Variants in LRP1B observed in about 807,000 individuals in gnomAD.
LRP1B encodes LDL receptor related protein 1B.
LRP1B carries 217 observed loss-of-function variants against 556.6 expected under a neutral mutation model. The ratio of observed to expected loss-of-function variants is 0.39; its 90% confidence interval spans 0.35 to 0.44. The LOEUF is 0.44. Among genes scored for constraint, LRP1B ranks in the 20% least tolerant of loss-of-function variants. The pLI is 1.00. For synonymous variants in LRP1B, 2,047 were observed against 1,865.8 expected (o/e 1.10, Z -2.50); for missense variants, 5,053 against 5,620.8 (o/e 0.90, Z 3.23).
intron 2 of LRP1B, among the ~76,000 whole-genome samples, chr2:141,577,380 T>G (rs758683926): frequency 5.3e-5 from 8 of 152,218 alleles, no homozygotes; most frequent in Admixed American, 2.0e-4. Context: ...AATTCACTAC[T>G]CTTCTTCGTT....
intron 2 of LRP1B, among the ~76,000 whole-genome samples, chr2:141,550,724 A>G (rs1311481923): frequency 6.6e-6 from 1 of 152,124 alleles, no homozygotes; most frequent in East Asian, 1.9e-4. Flanking sequence ...CTTAAAAAGA[A>G]GCAAATTTAA....
intron 32 of LRP1B, among the ~76,000 whole-genome samples, chr2:140,805,999 G>T (rs1573743251): frequency 6.6e-6 from 1 of 152,182 alleles, no homozygotes; most frequent in East Asian, 1.9e-4. Context: ...AGGTAATTTG[G>T]TCATGAGGGT....
chr2:140,477,742 C>A (rs1688033489), intron 59 of LRP1B, among the ~76,000 whole-genome samples: 1 of 152,110 alleles, frequency 6.6e-6, no homozygotes. Flanking sequence ...AGAGAAAAAG[C>A]ATATTATTTT....
intron 2 of LRP1B, among the ~76,000 whole-genome samples, chr2:141,589,032 G>A (rs1687235869): frequency 6.6e-6 from 1 of 152,096 alleles, no homozygotes; most frequent in Non-Finnish European, 1.5e-5. Context: ...GGATGATTTT[G>A]AAACTGGGTA....
intron 3 of LRP1B, among the ~76,000 whole-genome samples, chr2:141,316,772 C>T (rs1472415912): frequency 2.6e-5 from 4 of 152,212 alleles, no homozygotes; most frequent in African/African-American, 9.6e-5. Context: ...TGTGGCTTTC[C>T]CGCCATGGGG....
At chr2:140,709,504 AGAGGAG>A (rs755224893) in intron 37 of LRP1B, among the ~76,000 whole-genome samples, 7 of 151,656 alleles carry the variant, frequency 4.6e-5, no homozygotes, top group African/African-American at 1.7e-4. Context: ...AGGAGGAACA[AGAGGAG>A]GAGGAGGAGT....
chr2:141,844,825 T>C (rs1316045161), intron 1 of LRP1B, among the ~76,000 whole-genome samples: 2 of 151,764 alleles, frequency 1.3e-5, no homozygotes, highest in Non-Finnish European at 2.9e-5. Context: ...ATTTTCTTAT[T>C]AGACAATTTC....
At chr2:140,275,925 C>T (rs1469770258) in intron 84 of LRP1B, among the ~76,000 whole-genome samples, 7 of 151,908 alleles carry the variant, frequency 4.6e-5, no homozygotes, top group Admixed American at 3.9e-4. Flanking sequence ...TAGAATTAGA[C>T]ATTCTGCTTC....
intron 7 of LRP1B, among the ~76,000 whole-genome samples, chr2:141,094,081 T>A (rs762986042): frequency 5.9e-5 from 9 of 152,106 alleles, no homozygotes; most frequent in Non-Finnish European, 1.5e-5. Flanking sequence ...ATACAGATAG[T>A]AAGAATTGAA....
At chr2:141,511,712 G>T (rs1041680247) in intron 2 of LRP1B, among the ~76,000 whole-genome samples, 1 of 152,098 alleles carries the variant, frequency 6.6e-6, no homozygotes, top group Non-Finnish European at 1.5e-5. Flanking sequence ...CTCCACTGTG[G>T]CCTAACAATA....
chr2:141,151,559 A>C (rs1701925660), intron 7 of LRP1B, among the ~76,000 whole-genome samples: 1 of 151,926 alleles, frequency 6.6e-6, no homozygotes, highest in Admixed American at 6.6e-5. Context: ...TGCTTATTTT[A>C]TTTTCTTTAC....
chr2:140,898,991 G>A, intron 23 of LRP1B: 1 of 368,876 alleles, frequency 2.7e-6, no homozygotes, highest in Non-Finnish European at 5.3e-6. Context: ...CTTGAGCTCA[G>A]CATGCTTTCA....
At chr2:141,010,088 T>A (rs889551853) in intron 14 of LRP1B, among the ~76,000 whole-genome samples, 1 of 152,060 alleles carries the variant, frequency 6.6e-6, no homozygotes, top group African/African-American at 2.4e-5. Flanking sequence ...TTTTAACAAT[T>A]ACAGCTAGTT....
chr2:140,770,818 G>A (rs2104938454), intron 34 of LRP1B, 63 bp downstream of exon 34: 1 of 1,396,374 alleles, frequency 7.2e-7, no homozygotes, highest in Non-Finnish European at 9.5e-7. Flanking sequence ...CCTAACATCT[G>A]CATGGTATGT....
intron 22 of LRP1B, 126 bp downstream of exon 22, chr2:140,907,751 C>A: frequency 1.2e-6 from 1 of 832,820 alleles, no homozygotes; most frequent in Non-Finnish European, 2.0e-6. Flanking sequence ...AGACAAGGTT[C>A]AATGCTAAAA....
chr2:140,259,352 C>T (rs17476635), intron 86 of LRP1B, among the ~76,000 whole-genome samples: 9 of 152,052 alleles, frequency 5.9e-5, no homozygotes, highest in East Asian at 5.8e-4. Context: ...TAAGTTAAGA[C>T]GGTGTATTAA....
chr2:140,732,698 G>GA (rs35681080), intron 35 of LRP1B, among the ~76,000 whole-genome samples: 335 of 146,202 alleles, frequency 2.3e-3, no homozygotes, highest in South Asian at 8.4e-3. Flanking sequence ...GGATGAAATG[G>GA]AAAAAAAAAA....
chr2:140,334,560 C>T lies in LRP1B; in HGVS notation c.12117-1G>A. On this transcript the variant is annotated splice_acceptor_variant, in intron 78 of 90. Transcript: ENST00000389484. LOFTEE classifies it high-confidence loss of function. ...CCCAACAACAGTCCAGTACATCATC[C>T]TGAAGAGAGCGGGTCAGAGAGGTTA... The T allele has an allele frequency of 6.5e-7, 1 of 1,549,678 alleles. No homozygotes were observed. The highest frequency in any genetic ancestry group is 8.7e-7 in the Non-Finnish European group (1 of 1,145,718).
intron 7 of LRP1B, among the ~76,000 whole-genome samples, chr2:141,161,907 A>C (rs1680050584): frequency 6.6e-6 from 1 of 152,054 alleles, no homozygotes; most frequent in East Asian, 1.9e-4. Context: ...TCTTGCTGGG[A>C]GCTGTATGCT....
Sources: gnomAD v4.1 joint callset for allele counts (sites outside exome capture counted in the v4.1 genomes callset) on GRCh38, gnomAD v4.1.1 for gene constraint, MANE v1.5 for transcripts, NCBI Gene and HGNC (gene_info 2026-07-23, HGNC 2026-07-21) for gene names.